ZNF540: variants seen among roughly 807,000 people sequenced by gnomAD.
The protein encoded by ZNF540 is zinc finger protein 540.
A neutral mutation model predicts 11.8 loss-of-function variants in ZNF540; 3 were observed. The ratio of observed to expected loss-of-function variants is 0.25; its 90% CI spans 0.12 to 0.65. ZNF540 has a LOEUF of 0.65. ZNF540 is among the 30% of genes least tolerant of loss of function. The probability of loss-of-function intolerance (pLI) is 0.83; values close to 1 mark genes in which losing one functional copy is unlikely to be tolerated. For synonymous variants in ZNF540, 247 were observed against 259.0 expected (o/e 0.95, Z 0.45); for missense variants, 709 against 793.1 (o/e 0.89, Z 1.27).
At chr19:37,580,424 CTT>C (rs2043414093) in intron 1 of ZNF540, among the ~76,000 whole-genome samples, 1 of 152,222 alleles carries the variant, frequency 6.6e-6, no homozygotes, top group Non-Finnish European at 1.5e-5. Context: ...GTTAGCTTGA[CTT>C]TCTTTCCACA....
In ZNF540 at chr19:37,611,551, GA is replaced by G; in HGVS notation, c.275del (p.Lys92ArgfsTer13). 6.2e-7 allele frequency: 1 copy of G among 1,605,882 alleles called. No individual in the cohort carries two copies. Among genetic ancestry groups the G allele is most frequent in the Admixed American group, 1.7e-5 (1 of 58,866 alleles). On this transcript the variant is annotated frameshift_variant, in exon 5 of 5. Transcript: ENST00000316433. LOFTEE classifies it low-confidence loss of function (END_TRUNC). ...GCATAAGACCAAGAAATTATCTTCAGAAAAGGACATTCATGAAATCAGTTTA... is the reference window on the plus strand; with the variant it reads ...GCATAAGACCAAGAAATTATCTTCAGAAAGGACATTCATGAAATCAGTTTA... ...SRHKTKKLSS[E>X]KDIHEISLSK...
Position 37,614,070 on chromosome 19 carries a change from G to A in ZNF540, c.*807G>A, listed in dbSNP as rs1427716260. The stretch of plus-strand genomic sequence containing the variant: ...TTGGACTTTCAGCCTCCAAAACTGT[G>A]AGAAATAAACCTCAGTTGTTTATAA... On this transcript the variant is annotated 3_prime_UTR_variant, in exon 5 of 5. Transcript: ENST00000316433. The A allele has an allele frequency of 5.1e-6, 2 of 391,344 alleles. No homozygotes were observed. The highest frequency in any genetic ancestry group is 4.4e-5 in the Admixed American group (1 of 22,570). 24.2% of individuals were successfully genotyped at this position (391,344 alleles called of 1,614,324 possible).
Position 37,601,098 on chromosome 19 carries a change from G to A in ZNF540, c.225G>A (p.Gln75=). The A allele has an allele frequency of 1.3e-6, 2 of 1,575,092 alleles. No homozygotes were observed. Among genetic ancestry groups the A allele is most frequent in the Middle Eastern group, 3.3e-4 (2 of 6,020 alleles). ...CVVARDVTGR[Q]CPGLLSRHKT... is the part of the protein sequence containing the mutation. ...TGGCGAGGGATGTGACAGGAAGACA[G>A]TGCCCCGGTGAGTTGAGAGTTCATC... Residue 75 remains glutamine, a synonymous_variant, in exon 4 of 5, where the codon CAG becomes CAA. Coordinates refer to ENST00000316433, the MANE Select transcript of ZNF540 (RefSeq NM_001172225.3).
At chr19:37,574,782 C>T (rs1177455039) in intron 1 of ZNF540, among the ~76,000 whole-genome samples, 1 of 152,176 alleles carries the variant, frequency 6.6e-6, no homozygotes, top group East Asian at 1.9e-4. Context: ...TCTTCTCCTT[C>T]CTTATCTCAC....
At chr19:37,592,447 C>T (rs913098264), upstream of ZNF540, among the ~76,000 whole-genome samples, 1 of 152,090 alleles carries the variant, frequency 6.6e-6, no homozygotes, top group Non-Finnish European at 1.5e-5. Flanking sequence ...TACTGTGGCC[C>T]TTTGGAGGAC....
Position 37,613,717 on chromosome 19 carries a change from G to C in ZNF540, c.*454G>C, listed in dbSNP as rs1364218120. Reference sequence around the variant, plus strand: ...GATTTCTTAATAGGAAGATGCAATGGAGATGACAAATTTGGAAAAACCACT... The same window carrying C: ...GATTTCTTAATAGGAAGATGCAATGCAGATGACAAATTTGGAAAAACCACT... On this transcript the variant is annotated 3_prime_UTR_variant, in exon 5 of 5. Coordinates refer to ENST00000316433, the MANE Select transcript of ZNF540 (RefSeq NM_001172225.3). 2 of 398,108 alleles carry C rather than the reference G, an allele frequency of 5.0e-6. No individual in the cohort carries two copies. The highest frequency in any genetic ancestry group is 8.8e-6 in the Non-Finnish European group (2 of 225,990). The allele number at this position is 398,108 out of a possible 1,614,324, so 24.7% of individuals were successfully genotyped here. A position where few individuals can be genotyped will look rare whatever the true frequency, so the allele number is the denominator to read the frequency against.
intron 1 of ZNF540, chr19:37,575,809 T>C (rs1288948416): frequency 6.6e-6 from 1 of 152,192 alleles, no homozygotes; most frequent in Non-Finnish European, 1.5e-5. Context: ...AAGCAAACTG[T>C]AGCTGAGCTG....
At chr19:37,563,523 A>ATGGAATATATATATGGAATACATATG (rs2042744011) in intron 1 of ZNF540, 1 of 152,034 alleles carries the variant, frequency 6.6e-6, no homozygotes, top group Non-Finnish European at 1.5e-5. Context: ...ACATATACAT[A>ATGGAATATATATATGGAATACATATG]TGGAATATAT....
chr19:37,603,285 C>T (rs2044055012), intron 4 of ZNF540, among the ~76,000 whole-genome samples: 1 of 151,988 alleles, frequency 6.6e-6, no homozygotes, highest in Non-Finnish European at 1.5e-5. Flanking sequence ...GGGCGTGAGC[C>T]ACCATGCCTG....
intron 1 of ZNF540, among the ~76,000 whole-genome samples, chr19:37,580,368 G>T (rs991731783): frequency 3.9e-5 from 6 of 152,170 alleles, no homozygotes; most frequent in African/African-American, 1.4e-4. Context: ...CATATTTTCA[G>T]GTTATACACT....
chr19:37,595,134 C>G (rs1451555892), intron 1 of ZNF540, 39 bp downstream of exon 1: 1 of 152,152 alleles, frequency 6.6e-6, no homozygotes, highest in African/African-American at 2.4e-5. Flanking sequence ...CTGGCCGTGA[C>G]GCAGTGGCCA....
chr19:37,564,193 T>A (rs181914665), intron 1 of ZNF540: 2 of 154,298 alleles, frequency 1.3e-5, no homozygotes, highest in Non-Finnish European at 2.9e-5. Context: ...TCCCACCATT[T>A]GAGTTCTCTA....
intron 1 of ZNF540, among the ~76,000 whole-genome samples, chr19:37,576,549 T>C (rs1452835333): frequency 1.3e-5 from 2 of 152,094 alleles, no homozygotes; most frequent in Admixed American, 6.6e-5. Context: ...TTCCTTAGGG[T>C]TTGTAAAATT....
At chr19:37,565,928 GA>G (rs373863891) in intron 1 of ZNF540, 34 of 1,613,810 alleles carry the variant, frequency 2.1e-5, no homozygotes, top group Non-Finnish European at 2.8e-5. Flanking sequence ...CTTAACTTCA[GA>G]GCATTTTTCT....
intron 1 of ZNF540, chr19:37,565,708 T>C: frequency 6.2e-7 from 1 of 1,613,942 alleles, no homozygotes; most frequent in South Asian, 1.1e-5. Context: ...CTCTCTGATG[T>C]TCAGTGAGCT....
intron 1 of ZNF540, chr19:37,556,223 A>G (rs769994065): frequency 2.3e-5 from 15 of 652,082 alleles, no homozygotes; most frequent in Non-Finnish European, 4.2e-5. Flanking sequence ...TGGCCCTCCA[A>G]GTGGTGTTTG....
chr19:37,613,271 A>C lies in ZNF540; in HGVS notation c.*8A>C. 6.8e-7 allele frequency: 1 copy of C among 1,468,884 alleles called. No individual in the cohort carries two copies. The highest frequency in any genetic ancestry group is 1.6e-5 in the South Asian group (1 of 62,380). The allele number at this position is 1,468,884 out of a possible 1,614,324, so 91.0% of individuals were successfully genotyped here. A position where few individuals can be genotyped will look rare whatever the true frequency, so the allele number is the denominator to read the frequency against. On this transcript the variant is annotated 3_prime_UTR_variant, in exon 5 of 5. Transcript: ENST00000316433. ...ACTCATAATGTAATTTAATATAAGA[A>C]AAGGTTTCCATGTCATGCTCTATTT...
At chr19:37,565,398 AG>A (rs1278724621) in intron 1 of ZNF540, 7 of 1,613,744 alleles carry the variant, frequency 4.3e-6, no homozygotes, top group Non-Finnish European at 5.9e-6. Flanking sequence ...GCACATAAAA[AG>A]GCTTTCCCAC....
At chr19:37,566,027 G>A in intron 1 of ZNF540, 1 of 1,613,992 alleles carries the variant, frequency 6.2e-7, no homozygotes, top group Non-Finnish European at 8.5e-7. Flanking sequence ...TTTTTCCTTG[G>A]TAGGAATTAT....
Sources: allele counts gnomAD v4.1 joint callset (sites outside exome capture counted in the v4.1 genomes callset), GRCh38; gene constraint gnomAD v4.1.1; transcripts MANE v1.5; gene names NCBI Gene and HGNC (gene_info 2026-07-23, HGNC 2026-07-21).